The following CCDC187 variants were observed in gnomAD, a reference collection of about 807,000 sequenced individuals.
CCDC187 encodes the protein coiled-coil domain containing 187, also known as coiled-coil domain-containing protein 187.
Under a neutral mutation model 38.0 loss-of-function variants are expected in CCDC187, and 32 were observed. The ratio of observed to expected loss-of-function variants is 0.84; its 90% CI spans 0.64 to 1.13. CCDC187 has a LOEUF of 1.13. Among genes scored for constraint, CCDC187 ranks in the 50% most tolerant of loss-of-function variants. The probability of loss-of-function intolerance (pLI) is 0.00; values close to 1 mark genes in which losing one functional copy is unlikely to be tolerated. For synonymous variants in CCDC187, 333 were observed against 347.9 expected (o/e 0.96, Z 0.48); for missense variants, 707 against 786.8 (o/e 0.90, Z 1.21).
chr9:136,287,921 C>G (rs2131290543), intron 7 of CCDC187, among the ~76,000 whole-genome samples: 1 of 152,290 alleles, frequency 6.6e-6, no homozygotes, highest in South Asian at 2.1e-4. Context: ...GTCTCAAACT[C>G]CTGGCCTCAA....
chr9:136,302,427 C>A (rs1217901260), intron 2 of CCDC187, among the ~76,000 whole-genome samples: 1 of 150,456 alleles, frequency 6.6e-6, no homozygotes, highest in African/African-American at 2.5e-5. Context: ...GCCAGACTTT[C>A]CAAATCCCAG....
intron 3 of CCDC187, among the ~76,000 whole-genome samples, chr9:136,299,770 G>T (rs1432458935): frequency 6.6e-6 from 1 of 152,296 alleles, no homozygotes; most frequent in East Asian, 1.9e-4. Context: ...GCCCGCCAAC[G>T]GTTCAGCGTT....
At chr9:136,306,430 G>A (rs1007933658), upstream of CCDC187, among the ~76,000 whole-genome samples, 1 of 152,222 alleles carries the variant, frequency 6.6e-6, no homozygotes, top group Non-Finnish European at 1.5e-5. Flanking sequence ...GGTCCCCTGG[G>A]GGCAGGAAGT....
chr9:136,281,246 C>T, intron 10 of CCDC187: 1 of 397,168 alleles, frequency 2.5e-6, no homozygotes, highest in Non-Finnish European at 4.4e-6. Context: ...GCTGATGGGA[C>T]TGTAAGGAAG....
chr9:136,254,691 C>T lies in CCDC187; in HGVS notation c.5137G>A (p.Gly1713Ser), dbSNP rs558179544. 68 of 985,310 alleles carry T rather than the reference C, an allele frequency of 6.9e-5. No individual in the cohort carries two copies. The highest frequency in any genetic ancestry group is 9.4e-5 in the South Asian group (2 of 21,288). The allele number at this position is 985,310 out of a possible 1,614,324, so 61.0% of individuals were successfully genotyped here. A position where few individuals can be genotyped will look rare whatever the true frequency, so the allele number is the denominator to read the frequency against. Residue 1713 changes from glycine (G) to serine (S), a missense_variant, in exon 26 of 26, where the codon GGC (glycine) becomes AGC (serine). Gly to Ser is a moderately conservative substitution (Grantham distance 56). Coordinates refer to ENST00000638797, the MANE Select transcript of CCDC187 (RefSeq NM_001378188.1). ...TWQRPQGRRAGPLRGSSLDTA... is the reference protein window; with the variant it reads ...TWQRPQGRRASPLRGSSLDTA... Reference sequence around the variant, plus strand: ...TCCAAGGAGGAGCCACGCAGGGGGCCGGCCCTGCGGCCCTGGGGCCTCTGC... The same window carrying T: ...TCCAAGGAGGAGCCACGCAGGGGGCTGGCCCTGCGGCCCTGGGGCCTCTGC...
chr9:136,284,094 C>T lies in CCDC187; in HGVS notation c.2927+1419G>A, dbSNP rs902742042. On this transcript the variant is annotated intron_variant, in intron 9 of 25. Coordinates refer to ENST00000638797, the MANE Select transcript of CCDC187 (RefSeq NM_001378188.1). ...TAGGAAGGATGGGCAGGGGAGACCT[C>T]GGGCCAGGAAATGTCCCAGCAGGAG... Among the ~76,000 whole-genome samples the T allele has an allele frequency of 1.6e-3, 241 of 152,002 alleles. 2 individuals are homozygous for T. The highest frequency in any genetic ancestry group is 0.014 in the Middle Eastern group (4 of 294).
intron 4 of CCDC187, chr9:136,296,340 C>T (rs36129314): frequency 0.44 from 66,794 of 152,174 alleles, 15,032 homozygotes; most frequent in Non-Finnish European, 0.47. Flanking sequence ...GTCTCCAAAA[C>T]GCTGTGGTTC....
In CCDC187 at chr9:136,251,124, C is replaced by T. The variant is rs1554759345; in HGVS notation, c.*2470G>A. On this transcript the variant is annotated 3_prime_UTR_variant, in exon 26 of 26. Coordinates refer to ENST00000638797, the MANE Select transcript of CCDC187 (RefSeq NM_001378188.1). ...AGGAGAAGCCACATCCTGGAAGGATCAGTGCTGGGACACAGATGTCCCTAA... is the reference window on the plus strand; with the variant it reads ...AGGAGAAGCCACATCCTGGAAGGATTAGTGCTGGGACACAGATGTCCCTAA... 1 of 441,158 alleles carries T rather than the reference C, an allele frequency of 2.3e-6. No homozygotes were observed. The highest frequency in any genetic ancestry group is 2.4e-5 in the Admixed American group (1 of 42,232). 27.3% of individuals were successfully genotyped at this position (441,158 alleles called of 1,614,324 possible).
At position 136,258,865 on chromosome 9, in the gene CCDC187, G is replaced by T; in HGVS notation, c.4366+67C>A. ...GTGGCTGAGCTCCAGCCTCGGACAG[G>T]CTCTGCTGGATGTGGGGGAAGTGTC... On this transcript the variant is annotated intron_variant, in intron 22 of 25. Coordinates refer to ENST00000638797, the MANE Select transcript of CCDC187 (RefSeq NM_001378188.1). The surrounding 1 kb of genome is among the most constrained non-coding windows in gnomAD (Gnocchi z 4.3). 1 of 985,542 alleles carries T rather than the reference G, an allele frequency of 1.0e-6. No homozygotes were observed. Among genetic ancestry groups the T allele is most frequent in the Non-Finnish European group, 1.2e-6 (1 of 830,012 alleles). 61.0% of individuals were successfully genotyped at this position (985,542 alleles called of 1,614,324 possible). A position where few individuals can be genotyped will look rare whatever the true frequency, so the allele number is the denominator to read the frequency against.
chr9:136,262,107 C>G (rs565909817), intron 19 of CCDC187, among the ~76,000 whole-genome samples: 2 of 152,266 alleles, frequency 1.3e-5, no homozygotes, highest in Non-Finnish European at 2.9e-5. Flanking sequence ...AACGGCCATA[C>G]GGCCAAGCCT....
rs1219469019 is a variant in CCDC187, at chr9:136,300,253, C to T, written c.691G>A (p.Glu231Lys). The T allele has an allele frequency of 1.0e-5, 4 of 398,548 alleles. No individual in the cohort carries two copies. The highest frequency in any genetic ancestry group is 1.3e-5 in the Non-Finnish European group (3 of 226,092). The allele number at this position is 398,548 out of a possible 1,614,324, so 24.7% of individuals were successfully genotyped here. ...EAKASHGQGR[E>K]LSRVSQHQVP... ...TGGTGCTGGGAGACCCTGGAGAGCT[C>T]GCGCCCCTGGCCGTGGGATGCCTTG... The change falls in exon 3 of 26, where the codon GAG (glutamate) becomes AAG (lysine). Residue 231 changes from glutamate (E) to lysine (K), a missense_variant. Transcript: ENST00000638797.
At chr9:136,275,853 C>T (rs993328896) in intron 12 of CCDC187, among the ~76,000 whole-genome samples, 7 of 152,256 alleles carry the variant, frequency 4.6e-5, no homozygotes, top group African/African-American at 1.7e-4. Context: ...GCACCACATG[C>T]ATTTTGGGTT....
chr9:136,305,994 C>T (rs1831798596), upstream of CCDC187, among the ~76,000 whole-genome samples: 1 of 152,232 alleles, frequency 6.6e-6, no homozygotes, highest in African/African-American at 2.4e-5. Context: ...TTGTCCGTGC[C>T]ACGGGGACCG....
rs567063798 is a variant in CCDC187 at position 136,254,218 on chromosome 9, G to A, written c.5610C>T (p.Ala1870=). 49 of 985,488 alleles carry A rather than the reference G, an allele frequency of 5.0e-5. 1 individual carries two copies. The African/African-American group carries it at 6.5e-4, about 13-fold the overall frequency. The allele number at this position is 985,488 out of a possible 1,614,324, so 61.0% of individuals were successfully genotyped here. A position where few individuals can be genotyped will look rare whatever the true frequency, so the allele number is the denominator to read the frequency against. The change falls in exon 26 of 26, where the codon GCC becomes GCT. Residue 1870 remains alanine (A), a synonymous_variant. Transcript: ENST00000638797. ...AGATTTGCAGCGGGAACACCACACC[G>A]GCGGCCTCAGGGGGTGCCTGGAGGG... ...GEALQAPPEA[A]GVVFPLQISS... is the part of the protein sequence containing the mutation.
rs1216734280 is a variant in CCDC187, at chr9:136,264,301, G to GC, written c.3736-504dup. On this transcript the variant is annotated intron_variant, in intron 17 of 25. Transcript: ENST00000638797. This position sits in a 1 kb window ranked among gnomAD's most constrained non-coding sequence, Gnocchi z 4.3. ...CTGCCAAGCGGGTGTCTGGTCCATG[G>GC]CCCCACTGGGGAGTCCCAGACCCCA... 1.3e-5 allele frequency: 2 copies of GC among 152,322 alleles called. No homozygotes were observed. Among genetic ancestry groups the GC allele is most frequent in the African/African-American group, 4.8e-5 (2 of 41,454 alleles). 9.4% of individuals were successfully genotyped at this position (152,322 alleles called of 1,614,324 possible).
chr9:136,284,016 G>A lies in CCDC187; in HGVS notation c.2927+1497C>T, dbSNP rs1377378705. Among the ~76,000 whole-genome samples, 6 of 152,272 alleles carry A rather than the reference G, an allele frequency of 3.9e-5. No individual in the cohort carries two copies. The South Asian group carries it at 8.3e-4, about 21-fold the overall frequency. ...AGGCCCTGGCGCAGGCACCAAGCCC[G>A]CCATCCCCTGAGGGCAAAGGGGGCT... On this transcript the variant is annotated intron_variant, in intron 9 of 25. Coordinates refer to ENST00000638797, the MANE Select transcript of CCDC187 (RefSeq NM_001378188.1).
At chr9:136,300,625 A>G (rs1431458724) in intron 2 of CCDC187, among the ~76,000 whole-genome samples, 1 of 147,694 alleles carries the variant, frequency 6.8e-6, no homozygotes, top group Non-Finnish European at 1.5e-5. Context: ...TGAGGCGGAG[A>G]CTAGCTCTGT....
chr9:136,278,987 G>T (rs1830985646), intron 10 of CCDC187, among the ~76,000 whole-genome samples: 1 of 152,246 alleles, frequency 6.6e-6, no homozygotes. Context: ...CCACTGGACA[G>T]AGCTAGTCTA....
chr9:136,298,326 G>C, intron 3 of CCDC187, among the ~76,000 whole-genome samples: 1 of 152,206 alleles, frequency 6.6e-6, no homozygotes, highest in Middle Eastern at 3.4e-3. Flanking sequence ...GGCCAGACCT[G>C]GGGGGGCCTT....
Sources: allele counts gnomAD v4.1 joint callset (sites outside exome capture counted in the v4.1 genomes callset), GRCh38; gene constraint gnomAD v4.1.1; non-coding constraint Gnocchi (gnomAD v3.1); transcripts MANE v1.5; gene names NCBI Gene and HGNC (gene_info 2026-07-23, HGNC 2026-07-21).